The following DNAAF8 variants were observed in gnomAD, a reference collection of about 807,000 sequenced individuals.
The protein encoded by DNAAF8 is dynein axonemal assembly factor 8.
A neutral mutation model predicts 54.6 loss-of-function variants in DNAAF8; 61 were observed. The observed-to-expected ratio is 1.12, with a 90% confidence interval of 0.91 to 1.38. DNAAF8 has a LOEUF of 1.38. Among genes scored for constraint, DNAAF8 ranks in the 40% most tolerant of loss-of-function variants. DNAAF8 has a pLI of 0.00. For missense variants in DNAAF8, 837 were observed against 665.0 expected (o/e 1.26, Z -2.85); for synonymous variants, 320 against 270.1 (o/e 1.18, Z -1.81).
Position 4,740,487 on chromosome 16 carries a change from G to C in DNAAF8, c.611G>C (p.Arg204Thr). ...CGCCGGGCCCTCCGACAGGAGAGAA[G>C]GAAGATGATAGAGACGGACATCCTC... The part of the protein sequence containing the change: ...VNRRALRQER[R>T]KMIETDILQK... The change falls in exon 4 of 10, where the codon AGG (arginine) becomes ACG (threonine). Residue 204 changes from arginine to threonine, a missense_variant. Transcript: ENST00000299320. 1 of 1,614,110 alleles carries C rather than the reference G, an allele frequency of 6.2e-7. No homozygotes were observed.
chr16:4,741,067 CAA>C (rs71139655), intron 4 of DNAAF8, among the ~76,000 whole-genome samples: 19,937 of 142,258 alleles, frequency 0.14, 2,190 homozygotes, highest in African/African-American at 0.32. Flanking sequence ...ACTAAAAATA[CAA>C]AAAAAAAAAA....
chr16:4,740,398 C>G lies in DNAAF8; in HGVS notation c.522C>G (p.Leu174=). ...PPWDPQAEAT[L]SCHEGDPKAE... ...GGGACCCACAGGCCGAAGCCACTCT[C>G]TCCTGCCATGAAGGAGACCCAAAGG... The change falls in exon 4 of 10, where the codon CTC becomes CTG. Residue 174 remains leucine (L), a synonymous_variant. Coordinates refer to ENST00000299320, the MANE Select transcript of DNAAF8 (RefSeq NM_139170.3). 1 of 1,614,012 alleles carries G rather than the reference C, an allele frequency of 6.2e-7. No homozygotes were observed. Among genetic ancestry groups the G allele is most frequent in the Non-Finnish European group, 8.5e-7 (1 of 1,180,024 alleles).
chr16:4,743,743 CAA>C (rs933671176), intron 5 of DNAAF8: 1 of 152,334 alleles, frequency 6.6e-6, no homozygotes, highest in Non-Finnish European at 1.5e-5. Context: ...GGTCCCAAAG[CAA>C]AGACTCCCCT....
Position 4,734,546 on chromosome 16 carries a change from A to T in DNAAF8, c.-204A>T, listed in dbSNP as rs1223249919. 1 of 152,222 alleles carries T rather than the reference A, an allele frequency of 6.6e-6. No individual in the cohort carries two copies. The highest frequency in any genetic ancestry group is 1.9e-4 in the East Asian group (1 of 5,178). 9.4% of individuals were successfully genotyped at this position (152,222 alleles called of 1,614,324 possible). A position where few individuals can be genotyped will look rare whatever the true frequency, so the allele number is the denominator to read the frequency against. Reference sequence around the variant, plus strand: ...GGGGGAAGGCGGAGGCAGTCTAGTAATGTAAAGCTCCGCTGAGAGGGAGAG... The same window carrying T: ...GGGGGAAGGCGGAGGCAGTCTAGTATTGTAAAGCTCCGCTGAGAGGGAGAG... On this transcript the variant is annotated 5_prime_UTR_variant, in exon 1 of 10. It removes an upstream start codon present in the reference 5' UTR. Transcript: ENST00000299320.
rs778378677 is a variant in DNAAF8, at chr16:4,737,951, G to A, written c.276+5G>A. ...GCTGAAGAGTCCCTTCCCGAGGTCT[G>A]TGGGACACAGAAGAGTATACGCCTG... On this transcript the variant is annotated splice_donor_5th_base_variant and intron_variant, in intron 3 of 9. Coordinates refer to ENST00000299320, the MANE Select transcript of DNAAF8 (RefSeq NM_139170.3). 4.3e-6 allele frequency: 7 copies of A among 1,614,048 alleles called. No individual in the cohort carries two copies. Among genetic ancestry groups the A allele is most frequent in the Non-Finnish European group, 5.1e-6 (6 of 1,179,906 alleles).
At chr16:4,742,771 A>G (rs1015173320) in intron 4 of DNAAF8, among the ~76,000 whole-genome samples, 3 of 152,062 alleles carry the variant, frequency 2.0e-5, no homozygotes, top group African/African-American at 7.2e-5. Context: ...GGGTCAGACA[A>G]CGTCTTTGTG....
At chr16:4,737,738 G>T (rs2081914300) in intron 2 of DNAAF8, 62 bp from the exon 3 acceptor site, 1 of 1,579,056 alleles carries the variant, frequency 6.3e-7, no homozygotes, top group Non-Finnish European at 8.7e-7. Context: ...AGCGGGGGTG[G>T]CTAGGCCCTC....
chr16:4,736,908 G>A (rs1221854440), intron 2 of DNAAF8, among the ~76,000 whole-genome samples: 1 of 152,168 alleles, frequency 6.6e-6, no homozygotes, highest in East Asian at 1.9e-4. Flanking sequence ...TTTCAGTGGA[G>A]TTTTTGGTGC....
chr16:4,737,916 G>A lies in DNAAF8; in HGVS notation c.246G>A (p.Trp82Ter). 6.2e-7 allele frequency: 1 copy of A among 1,614,212 alleles called. No individual in the cohort carries two copies. Among genetic ancestry groups the A allele is most frequent in the Non-Finnish European group, 8.5e-7 (1 of 1,180,038 alleles). ...CCGATGGCGACAAGTCCAGGGCCTG[G>A]GTCGCTGCAGCTGAAGAGTCCCTTC... ...DPADGDKSRA[W>*]VAAAEESLPE... Residue 82 changes from tryptophan to a stop codon, truncating the protein, a stop_gained, in exon 3 of 10, where the codon TGG (tryptophan) becomes TGA (stop). Coordinates refer to ENST00000299320, the MANE Select transcript of DNAAF8 (RefSeq NM_139170.3). LOFTEE classifies it high-confidence loss of function.
chr16:4,745,032 C>T (rs756812146), intron 6 of DNAAF8, 21 bp downstream of exon 6: 30 of 1,608,608 alleles, frequency 1.9e-5, no homozygotes, highest in South Asian at 3.3e-5. Flanking sequence ...TAGCCAGGCC[C>T]GGCTCCTGTG....
At chr16:4,746,720 C>A (rs2082021947) in intron 7 of DNAAF8, 1 of 805,376 alleles carries the variant, frequency 1.2e-6, no homozygotes, top group Non-Finnish European at 1.9e-6. Context: ...TCGGGCTGGG[C>A]TCTATGCAAT....
In DNAAF8 at chr16:4,740,359, C is replaced by T; in HGVS notation, c.483C>T (p.Ser161=). ...LGSLSFNTKG[S]QGPPWDPQAE... is the part of the protein sequence containing the mutation. ...GCCTGTCTTTCAACACCAAAGGATC[C>T]CAGGGTCCTCCCTGGGACCCACAGG... Residue 161 remains serine (S), a synonymous_variant, in exon 4 of 10, where the codon TCC becomes TCT. Transcript: ENST00000299320. The T allele has an allele frequency of 1.2e-6, 2 of 1,613,846 alleles. No homozygotes were observed. The highest frequency in any genetic ancestry group is 2.2e-5 in the South Asian group (2 of 91,074).
chr16:4,740,394 C>T lies in DNAAF8; in HGVS notation c.518C>T (p.Thr173Ile). The T allele has an allele frequency of 6.2e-7, 1 of 1,613,986 alleles. No homozygotes were observed. Among genetic ancestry groups the T allele is most frequent in the Non-Finnish European group, 8.5e-7 (1 of 1,180,018 alleles). ...GPPWDPQAEA[T>I]LSCHEGDPKA... ...CCCTGGGACCCACAGGCCGAAGCCA[C>T]TCTCTCCTGCCATGAAGGAGACCCA... The change falls in exon 4 of 10, where the codon ACT (threonine) becomes ATT (isoleucine). Residue 173 changes from threonine (T) to isoleucine (I), a missense_variant. Thr to Ile is a moderately conservative substitution (Grantham distance 89). Transcript: ENST00000299320.
chr16:4,738,780 G>A (rs1247343988), intron 3 of DNAAF8, among the ~76,000 whole-genome samples: 2 of 152,182 alleles, frequency 1.3e-5, no homozygotes. Context: ...CTACTCCAGA[G>A]GCTGAGACAG....
At chr16:4,738,616 C>G (rs1333262721) in intron 3 of DNAAF8, among the ~76,000 whole-genome samples, 1 of 152,168 alleles carries the variant, frequency 6.6e-6, no homozygotes, top group African/African-American at 2.4e-5. Context: ...AGCACAGTGG[C>G]TCACGCCTGT....
chr16:4,745,578 A>G (rs1203376891), intron 6 of DNAAF8, among the ~76,000 whole-genome samples: 1 of 152,204 alleles, frequency 6.6e-6, no homozygotes, highest in Non-Finnish European at 1.5e-5. Flanking sequence ...GCACTTGAGG[A>G]ATCTGAGAAC....
At chr16:4,747,289 C>T in intron 8 of DNAAF8, 54 bp from the exon 9 acceptor site, 3 of 1,509,356 alleles carry the variant, frequency 2.0e-6, no homozygotes, top group South Asian at 1.3e-5. Flanking sequence ...GTAAGGAGGG[C>T]TGGGAGGGGC....
At chr16:4,738,035 G>C in intron 3 of DNAAF8, 89 bp downstream of exon 3, 2 of 1,432,148 alleles carry the variant, frequency 1.4e-6, no homozygotes, top group Non-Finnish European at 1.9e-6. Context: ...GCATTTCCAC[G>C]ATATGCTAGA....
intron 6 of DNAAF8, 185 bp from the exon 7 acceptor site, chr16:4,746,190 G>A (rs2082015435): frequency 1.7e-6 from 1 of 582,972 alleles, no homozygotes; most frequent in African/African-American, 1.9e-5. Context: ...CTGTTGGCCA[G>A]TGGTGGCCTA....
Sources: allele counts gnomAD v4.1 joint callset (sites outside exome capture counted in the v4.1 genomes callset), GRCh38; gene constraint gnomAD v4.1.1; transcripts MANE v1.5; gene names NCBI Gene and HGNC (gene_info 2026-07-23, HGNC 2026-07-21).